The following R3HDM2 variants were observed in gnomAD, a reference collection of about 807,000 sequenced individuals.
R3HDM2 encodes the protein R3H domain containing 2.
A neutral mutation model predicts 124.5 loss-of-function variants in R3HDM2; 38 were observed. The ratio of observed to expected loss-of-function variants is 0.31; its 90% CI spans 0.24 to 0.40. The LOEUF is 0.40. Ranked by LOEUF, R3HDM2 falls within the 10% of genes least tolerant of loss-of-function variation. The pLI is 1.00. For synonymous variants in R3HDM2, 391 were observed against 448.0 expected, an observed-to-expected ratio of 0.87 and a Z score of 1.61; for missense variants, 869 against 1,236.9, an observed-to-expected ratio of 0.70 and a Z score of 4.46.
chr12:57,417,397 AAAAG>A (rs1284044718), intron 1 of R3HDM2, among the ~76,000 whole-genome samples: 2 of 152,042 alleles, frequency 1.3e-5, no homozygotes, highest in African/African-American at 4.8e-5. Flanking sequence ...AAAAAAAAAA[AAAAG>A]AGAGAGACTT....
chr12:57,276,154 G>C (rs1245489395), intron 14 of R3HDM2, among the ~76,000 whole-genome samples: 1 of 149,984 alleles, frequency 6.7e-6, no homozygotes, highest in Non-Finnish European at 1.5e-5. Context: ...AGCTTGCAGT[G>C]AGTCAAGATC....
intron 19 of R3HDM2, 71 bp from the exon 20 acceptor site, chr12:57,259,130 G>A: frequency 6.0e-6 from 9 of 1,501,108 alleles, no homozygotes; most frequent in Non-Finnish European, 8.1e-6. Context: ...AGCCCTGAGT[G>A]GGAAAGCAGC....
At position 57,268,428 on chromosome 12, in the gene R3HDM2, C is replaced by T. The variant is rs1235295339; in HGVS notation, c.1905G>A (p.Val635=). The change falls in exon 18 of 24, where the codon GTG becomes GTA. Residue 635 remains valine (V), a synonymous_variant. Transcript: ENST00000402412. The part of the protein sequence containing the change: ...QVPVGSDSQN[V]VQPPFQQPML... ...TGGGTTGCTGGAAAGGCGGCTGGACCACATTTTGCGAGTCACTACCCACTG... is the reference window on the plus strand; with the variant it reads ...TGGGTTGCTGGAAAGGCGGCTGGACTACATTTTGCGAGTCACTACCCACTG... 4 of 1,614,048 alleles carry T rather than the reference C, an allele frequency of 2.5e-6. No individual in the cohort carries two copies. Among genetic ancestry groups the T allele is most frequent in the Non-Finnish European group, 3.4e-6 (4 of 1,180,018 alleles).
chr12:57,364,826 G>A (rs1026759293), intron 2 of R3HDM2, among the ~76,000 whole-genome samples: 3 of 151,518 alleles, frequency 2.0e-5, no homozygotes, highest in Non-Finnish European at 2.9e-5. Flanking sequence ...GGTGGCAGGC[G>A]CCTGTAGTTG....
At chr12:57,282,717 G>T (rs1012281841) in intron 13 of R3HDM2, among the ~76,000 whole-genome samples, 3 of 152,084 alleles carry the variant, frequency 2.0e-5, no homozygotes, top group Non-Finnish European at 4.4e-5. Flanking sequence ...ATATCAGTTT[G>T]GGCGCCAGTG....
At chr12:57,317,444 C>G (rs1343318587) in intron 2 of R3HDM2, among the ~76,000 whole-genome samples, 1 of 152,002 alleles carries the variant, frequency 6.6e-6, no homozygotes, top group African/African-American at 2.4e-5. Flanking sequence ...CTTGGCCTCA[C>G]AAAGTGCTAG....
intron 1 of R3HDM2, among the ~76,000 whole-genome samples, chr12:57,427,140 A>G (rs2070815813): frequency 6.6e-6 from 1 of 151,622 alleles, no homozygotes; most frequent in Non-Finnish European, 1.5e-5. Context: ...AAAATACAAA[A>G]ATTAGTTGGA....
chr12:57,324,492 TCAAAATCTAA>T (rs2056978651), intron 2 of R3HDM2, among the ~76,000 whole-genome samples: 1 of 152,186 alleles, frequency 6.6e-6, no homozygotes, highest in South Asian at 2.1e-4. Context: ...TGACAATCTT[TCAAAATCTAA>T]CATCAAATGT....
chr12:57,271,319 C>A (rs1400635254), intron 14 of R3HDM2, among the ~76,000 whole-genome samples: 1 of 152,114 alleles, frequency 6.6e-6, no homozygotes, highest in African/African-American at 2.4e-5. Flanking sequence ...GCTGTAATTG[C>A]CTTCTCTCTC....
chr12:57,310,618 TAAAA>T (rs202076039), intron 2 of R3HDM2, among the ~76,000 whole-genome samples, 155 bp from the exon 3 acceptor site: 1 of 145,518 alleles, frequency 6.9e-6, no homozygotes, highest in Non-Finnish European at 1.5e-5. Flanking sequence ...TTCATTTCTT[TAAAA>T]AAAAAAAACT....
chr12:57,360,781 C>T (rs759964100), intron 2 of R3HDM2, among the ~76,000 whole-genome samples: 2 of 152,140 alleles, frequency 1.3e-5, no homozygotes, highest in Non-Finnish European at 2.9e-5. Context: ...TAGCGCTGGG[C>T]GCAGTGGCTC....
chr12:57,424,853 A>G (rs1594675532), intron 1 of R3HDM2, among the ~76,000 whole-genome samples: 1 of 152,174 alleles, frequency 6.6e-6, no homozygotes, highest in Non-Finnish European at 1.5e-5. Flanking sequence ...ACAGGTATGA[A>G]CCACCAAGCC....
chr12:57,428,472 T>C (rs564116661), intron 1 of R3HDM2, among the ~76,000 whole-genome samples: 1 of 110,564 alleles, frequency 9.0e-6, no homozygotes, highest in South Asian at 2.9e-4. Context: ...CTACTAAAAA[T>C]ACAAAACATT....
In R3HDM2 at chr12:57,258,880, C is replaced by T; in HGVS notation, c.2301+10G>A. ...CTCCTTGCCAAGACAAGGCTGAGTG[C>T]TGCACTCACCTGGGGGCTGCTGTCA... On this transcript the variant is annotated intron_variant, in intron 20 of 23. Coordinates refer to ENST00000402412, the MANE Select transcript of R3HDM2 (RefSeq NM_001394031.1). 6.5e-7 allele frequency: 1 copy of T among 1,547,956 alleles called. No individual in the cohort carries two copies. Among genetic ancestry groups the T allele is most frequent in the African/African-American group, 1.4e-5 (1 of 72,168 alleles).
At chr12:57,366,881 A>G (rs567822169) in intron 2 of R3HDM2, among the ~76,000 whole-genome samples, 21 of 151,864 alleles carry the variant, frequency 1.4e-4, no homozygotes, top group South Asian at 2.1e-4. Flanking sequence ...TAGTAGAGAC[A>G]GGGTTTCACT....
chr12:57,321,002 T>A (rs1461629819), intron 2 of R3HDM2, among the ~76,000 whole-genome samples: 1 of 152,186 alleles, frequency 6.6e-6, no homozygotes, highest in Admixed American at 6.5e-5. Context: ...CATAAGTTAC[T>A]CTCAATTGAT....
chr12:57,371,025 C>CAAAATATA (rs1168328685), intron 2 of R3HDM2, among the ~76,000 whole-genome samples: 13 of 126,634 alleles, frequency 1.0e-4, no homozygotes, highest in Non-Finnish European at 2.1e-4. Flanking sequence ...TGTTCTGGTT[C>CAAAATATA]AAAATATAAA....
intron 2 of R3HDM2, among the ~76,000 whole-genome samples, chr12:57,370,000 AG>A (rs768656438): frequency 2.2e-4 from 33 of 152,212 alleles, no homozygotes; most frequent in Non-Finnish European, 4.4e-4. Context: ...CCTAAATCAT[AG>A]AAAGTTTCCT....
intron 1 of R3HDM2, among the ~76,000 whole-genome samples, chr12:57,428,778 G>A (rs1160465226): frequency 6.7e-6 from 1 of 148,338 alleles, no homozygotes; most frequent in Non-Finnish European, 1.5e-5. Flanking sequence ...ACAGTCTCTC[G>A]CTCTGTTGCC....
Sources: allele counts gnomAD v4.1 joint callset (sites outside exome capture counted in the v4.1 genomes callset), GRCh38; gene constraint gnomAD v4.1.1; transcripts MANE v1.5; gene names NCBI Gene and HGNC (gene_info 2026-07-23, HGNC 2026-07-21).